The following PTPN12 variants were observed in gnomAD, a reference collection of about 807,000 sequenced individuals.
The protein encoded by PTPN12 is protein tyrosine phosphatase non-receptor type 12, also known as tyrosine-protein phosphatase non-receptor type 12.
Under a neutral mutation model 97.6 loss-of-function variants are expected in PTPN12, and 29 were observed. The ratio of observed to expected loss-of-function variants is 0.30; its 90% confidence interval spans 0.22 to 0.41. The LOEUF (loss-of-function observed/expected upper bound fraction) is 0.41, where lower values mean the gene tolerates loss of function less well. Among genes scored for constraint, PTPN12 ranks in the 10% least tolerant of loss-of-function variants. The probability of loss-of-function intolerance (pLI) is 1.00; values close to 1 mark genes in which losing one functional copy is unlikely to be tolerated. For missense variants in PTPN12, 819 were observed against 926.0 expected (o/e 0.88, Z 1.50); for synonymous variants, 327 against 300.4 (o/e 1.09, Z -0.91).
chr7:77,574,671 C>T (rs1272766678), intron 2 of PTPN12, among the ~76,000 whole-genome samples: 1 of 152,156 alleles, frequency 6.6e-6, no homozygotes, highest in East Asian at 1.9e-4. Flanking sequence ...ACAAAGACTT[C>T]TCGCCAAAAT....
intron 4 of PTPN12, 102 bp from the exon 5 acceptor site, chr7:77,585,441 A>G (rs1214966590): frequency 1.0e-6 from 1 of 986,272 alleles, no homozygotes; most frequent in African/African-American, 1.6e-5. Context: ...CAAGCCAATT[A>G]TACTTCTCGG....
chr7:77,546,975 C>T (rs1405518280), intron 1 of PTPN12, among the ~76,000 whole-genome samples: 3 of 152,232 alleles, frequency 2.0e-5, no homozygotes, highest in Non-Finnish European at 4.4e-5. Context: ...AAAGCCTAGT[C>T]ATATCGTGGA....
At chr7:77,600,003 ATATTG>A (rs1788142241) in intron 7 of PTPN12, among the ~76,000 whole-genome samples, 1 of 152,232 alleles carries the variant, frequency 6.6e-6, no homozygotes, top group South Asian at 2.1e-4. Context: ...ACATAAGCAT[ATATTG>A]TATTGGCTGT....
chr7:77,633,777 C>G (rs1333201676), intron 14 of PTPN12, among the ~76,000 whole-genome samples: 1 of 152,090 alleles, frequency 6.6e-6, no homozygotes, highest in Non-Finnish European at 1.5e-5. Context: ...AATCGCAGCA[C>G]TTTGGGAGTC....
At chr7:77,615,151 A>G (rs889268454) in intron 11 of PTPN12, among the ~76,000 whole-genome samples, 4 of 152,222 alleles carry the variant, frequency 2.6e-5, no homozygotes, top group African/African-American at 9.6e-5. Flanking sequence ...AAGTACTGTC[A>G]ACACCAGTAT....
In PTPN12 at chr7:77,566,187, G is replaced by A. The variant is rs533461796; in HGVS notation, c.100-4891G>A. On this transcript the variant is annotated intron_variant, in intron 1 of 17. Coordinates refer to ENST00000248594, the MANE Select transcript of PTPN12 (RefSeq NM_002835.4). ...AGGGTTACTGCTAGTCATAGTGGTG[G>A]TGAGTAATTCTATATGACTAAAGCA... 5.9e-5 allele frequency among the ~76,000 whole-genome samples: 9 copies of A among 152,324 alleles called. No individual in the cohort carries two copies. In the South Asian group the frequency reaches 1.9e-3, roughly 32 times the overall value.
chr7:77,574,910 C>A (rs1787290368), intron 2 of PTPN12, among the ~76,000 whole-genome samples: 1 of 151,474 alleles, frequency 6.6e-6, no homozygotes, highest in African/African-American at 2.4e-5. Flanking sequence ...CGGCTCACTG[C>A]AACCTCTATC....
chr7:77,627,540 A>G lies in PTPN12; in HGVS notation c.1861A>G (p.Lys621Glu), dbSNP rs1396077348. ...RNSDGAVTQN[K>E]TNISTASATV... The stretch of plus-strand genomic sequence containing the variant: ...CTCTGATGGTGCTGTGACCCAGAAT[A>G]AAACTAATATTTCAACAGCAAGTGC... Residue 621 changes from lysine (K) to glutamate (E), a missense_variant, in exon 13 of 18, where the codon AAA becomes GAA. Transcript: ENST00000248594. 1.2e-6 allele frequency: 2 copies of G among 1,614,162 alleles called. No homozygotes were observed. The highest frequency in any genetic ancestry group is 1.7e-5 in the Admixed American group (1 of 60,022).
chr7:77,583,776 T>C (rs1787599140), intron 4 of PTPN12, 126 bp downstream of exon 4: 4 of 575,590 alleles, frequency 6.9e-6, no homozygotes, highest in Non-Finnish European at 5.6e-6. Context: ...TTGCTGATGT[T>C]TACTAAAAAG....
At chr7:77,546,899 G>C (rs879622814) in intron 1 of PTPN12, among the ~76,000 whole-genome samples, 1 of 152,226 alleles carries the variant, frequency 6.6e-6, no homozygotes, top group South Asian at 2.1e-4. Flanking sequence ...TCACTATCAG[G>C]AGAATAGCAT....
At chr7:77,618,629 A>G (rs1346849721) in intron 12 of PTPN12, 64 bp downstream of exon 12, 4 of 1,111,944 alleles carry the variant, frequency 3.6e-6, no homozygotes, top group Non-Finnish European at 5.3e-6. Flanking sequence ...GTTAATTAAA[A>G]TGACAAATTC....
intron 14 of PTPN12, among the ~76,000 whole-genome samples, chr7:77,634,566 T>C (rs1215176644): frequency 1.3e-5 from 2 of 150,380 alleles, no homozygotes; most frequent in African/African-American, 4.9e-5. Flanking sequence ...CAGCCTCCCA[T>C]GTAGCTGGGA....
chr7:77,582,216 T>C (rs1787543937), intron 3 of PTPN12, among the ~76,000 whole-genome samples: 1 of 149,640 alleles, frequency 6.7e-6, no homozygotes, highest in African/African-American at 2.4e-5. Flanking sequence ...TGCCTTGGTC[T>C]CGATCTCCTG....
chr7:77,566,767 A>G (rs983669559), intron 1 of PTPN12, among the ~76,000 whole-genome samples: 31 of 152,098 alleles, frequency 2.0e-4, no homozygotes, highest in African/African-American at 7.5e-4. Flanking sequence ...TGCTTTCTTA[A>G]AGGATTTGTT....
intron 12 of PTPN12, among the ~76,000 whole-genome samples, chr7:77,624,316 A>G (rs1317021825): frequency 6.6e-6 from 1 of 152,100 alleles, no homozygotes; most frequent in African/African-American, 2.4e-5. Flanking sequence ...ATATAGGAAT[A>G]TCTTATGAGA....
rs1035308289 is a variant in PTPN12, at chr7:77,611,035, G to C, written c.928G>C (p.Ala310Pro). 3 of 1,611,468 alleles carry C rather than the reference G, an allele frequency of 1.9e-6. No individual in the cohort carries two copies. The Admixed American group carries it at 5.0e-5, about 27-fold the overall frequency. Residue 310 changes from alanine (A) to proline (P), a missense_variant, in exon 11 of 18, where the codon GCT becomes CCT. Coordinates refer to ENST00000248594, the MANE Select transcript of PTPN12 (RefSeq NM_002835.4). ...TGAAATTCATGGAGCTCAGAAAATT[G>C]CTGATGGAGTGGTAGGTGTTCTTGG... is the stretch of plus-strand genomic sequence containing the variant. ...LYEIHGAQKIADGVNEINTEN... is the reference protein window; with the variant it reads ...LYEIHGAQKIPDGVNEINTEN...
rs1806714202 is a variant in PTPN12, at chr7:77,537,564, C to A, written c.18C>A (p.Ile6=). Residue 6 remains isoleucine, a synonymous_variant, in exon 1 of 18, where the codon ATC becomes ATA. Transcript: ENST00000248594. Reference sequence around the variant, plus strand: ...GCGGGAGGATGGAGCAAGTGGAGATCCTGAGGAAATTCATCCAGAGGGTCC... The same window carrying A: ...GCGGGAGGATGGAGCAAGTGGAGATACTGAGGAAATTCATCCAGAGGGTCC... MEQVE[I]LRKFIQRVQA... is the part of the protein sequence containing the mutation. 5 of 1,599,372 alleles carry A rather than the reference C, an allele frequency of 3.1e-6. No individual in the cohort carries two copies. Among genetic ancestry groups the A allele is most frequent in the Non-Finnish European group, 3.4e-6 (4 of 1,174,528 alleles).
At chr7:77,547,783 C>T (rs563894207) in intron 1 of PTPN12, among the ~76,000 whole-genome samples, 2 of 152,258 alleles carry the variant, frequency 1.3e-5, no homozygotes, top group East Asian at 3.9e-4. Context: ...AAGAGTTTGT[C>T]AGGTGAACTA....
intron 16 of PTPN12, among the ~76,000 whole-genome samples, chr7:77,638,147 A>G (rs939411147): frequency 2.0e-5 from 3 of 150,986 alleles, no homozygotes; most frequent in South Asian, 4.2e-4. Flanking sequence ...TTTAGTAGAG[A>G]CGGGGTTTCA....
Sources: allele counts gnomAD v4.1 joint callset (sites outside exome capture counted in the v4.1 genomes callset), GRCh38; gene constraint gnomAD v4.1.1; transcripts MANE v1.5; gene names NCBI Gene and HGNC (gene_info 2026-07-23, HGNC 2026-07-21).